Variants in BRAF observed in about 807,000 individuals in gnomAD.
BRAF encodes serine/threonine-protein kinase B-raf.
BRAF carries 16 observed loss-of-function variants against 104.6 expected under a neutral mutation model. The observed-to-expected ratio is 0.15, with a 90% CI of 0.10 to 0.23. The LOEUF is 0.23. Ranked by LOEUF, BRAF falls within the 10% of genes least tolerant of loss-of-function variation. The pLI, the probability that BRAF is intolerant of heterozygous loss-of-function variation, is 1.00. For synonymous variants in BRAF, 310 were observed against 341.6 expected (o/e 0.91, Z 1.02); for missense variants, 541 against 937.3 (o/e 0.58, Z 5.52).
chr7:140,717,716 CTAAATT>C (rs1446660573), downstream of BRAF, among the ~76,000 whole-genome samples: 1 of 152,026 alleles, frequency 6.6e-6, no homozygotes, highest in Non-Finnish European at 1.5e-5. Flanking sequence ...TAGTTCTGGG[CTAAATT>C]TTAAGGAAAA....
At chr7:140,714,034 C>CAGTT in the BRAF span, among the ~76,000 whole-genome samples, 1 of 152,166 alleles carries the variant, frequency 6.6e-6, no homozygotes, top group African/African-American at 2.4e-5. Flanking sequence ...GGGTGCCTCC[C>CAGTT]AGTTAGGCTA....
chr7:140,905,949 G>A (rs1034481349), intron 1 of BRAF, among the ~76,000 whole-genome samples: 12 of 148,986 alleles, frequency 8.1e-5, no homozygotes, highest in South Asian at 6.5e-4. Context: ...TTAGCCGGGC[G>A]TAGTGGCGGG....
Position 140,722,819 on chromosome 7 carries a change from T to C in BRAF, c.*3675A>G, listed in dbSNP as rs955172960. 4.8e-6 allele frequency: 5 copies of C among 1,052,458 alleles called. No homozygotes were observed. Among genetic ancestry groups the C allele is most frequent in the Non-Finnish European group, 5.7e-6 (5 of 871,178 alleles). 65.2% of individuals were successfully genotyped at this position (1,052,458 alleles called of 1,614,324 possible). ...GTGATACCACAGCTATTTAATTTCA[T>C]GCAATTGACTCAAGGTTAAGATTCT... On this transcript the variant is annotated 3_prime_UTR_variant, in exon 20 of 20. Coordinates refer to ENST00000644969, the MANE Select transcript of BRAF (RefSeq NM_001374258.1).
intron 8 of BRAF, among the ~76,000 whole-genome samples, chr7:140,790,137 A>C (rs529943949): frequency 6.6e-6 from 1 of 152,202 alleles, no homozygotes; most frequent in Non-Finnish European, 1.5e-5. Flanking sequence ...GTAGAAAAGC[A>C]AAGAGTCTTT....
intron 17 of BRAF, chr7:140,740,342 A>G (rs1293881286): frequency 6.1e-6 from 1 of 163,976 alleles, no homozygotes; most frequent in Non-Finnish European, 1.3e-5. Context: ...ATATATGTGT[A>G]GGGAAAACCA....
At chr7:140,734,805 AAG>A in intron 18 of BRAF, 35 bp from the exon 18 acceptor site, 2 of 1,461,106 alleles carry the variant, frequency 1.4e-6, no homozygotes, top group Non-Finnish European at 1.8e-6. Context: ...AAGAAAAAAA[AAG>A]AAAAAAGAAA....
chr7:140,839,310 A>C (rs1187247469), intron 2 of BRAF, among the ~76,000 whole-genome samples: 2 of 152,222 alleles, frequency 1.3e-5, no homozygotes, highest in African/African-American at 4.8e-5. Context: ...ATCTTTACAA[A>C]AATTAAAAAC....
At chr7:140,839,577 A>C (rs1277350773) in intron 2 of BRAF, among the ~76,000 whole-genome samples, 1 of 152,030 alleles carries the variant, frequency 6.6e-6, no homozygotes, top group Non-Finnish European at 1.5e-5. Flanking sequence ...AAAAAATATG[A>C]AACTTGGCTG....
intron 1 of BRAF, among the ~76,000 whole-genome samples, chr7:140,877,182 C>A (rs1171986532): frequency 1.3e-5 from 2 of 151,540 alleles, no homozygotes; most frequent in Admixed American, 1.3e-4. Flanking sequence ...CAATATTCAA[C>A]TGAATGAAAA....
chr7:140,779,075 GA>G (rs1176355050), intron 12 of BRAF, among the ~76,000 whole-genome samples: 2 of 152,164 alleles, frequency 1.3e-5, no homozygotes, highest in Non-Finnish European at 2.9e-5. Context: ...CAACAATATA[GA>G]TGAATCTTAT....
In BRAF at chr7:140,725,134, G is replaced by A. The variant is rs951159069; in HGVS notation, c.*1360C>T. 11 of 1,042,080 alleles carry A rather than the reference G, an allele frequency of 1.1e-5. No individual in the cohort carries two copies. Among genetic ancestry groups the A allele is most frequent in the Non-Finnish European group, 1.3e-5 (11 of 864,632 alleles). 64.6% of individuals were successfully genotyped at this position (1,042,080 alleles called of 1,614,324 possible). On this transcript the variant is annotated 3_prime_UTR_variant, in exon 20 of 20. Transcript: ENST00000644969. Reference sequence around the variant, plus strand: ...CCAGGCTTGGGAAAAAAGGAAGAAGGAGAATGAATGGAGACGCCACCATTT... The same window carrying A: ...CCAGGCTTGGGAAAAAAGGAAGAAGAAGAATGAATGGAGACGCCACCATTT...
downstream of BRAF, among the ~76,000 whole-genome samples, chr7:140,714,634 T>A (rs1471398988): frequency 6.6e-6 from 1 of 152,190 alleles, no homozygotes; most frequent in African/African-American, 2.4e-5. Context: ...GTGCTGAGAT[T>A]ACAGGTGTGA....
At chr7:140,876,393 A>T (rs2129098848) in intron 1 of BRAF, among the ~76,000 whole-genome samples, 1 of 152,342 alleles carries the variant, frequency 6.6e-6, no homozygotes, top group Admixed American at 6.5e-5. Flanking sequence ...AAAAGAATGC[A>T]GGAAAGACAG....
intron 1 of BRAF, among the ~76,000 whole-genome samples, chr7:140,922,656 C>T (rs1232021046): frequency 1.3e-5 from 2 of 152,162 alleles, no homozygotes; most frequent in Admixed American, 1.3e-4. Context: ...CCAGAGGCAC[C>T]TGTGCCTGGT....
At chr7:140,859,880 G>T (rs1359200816) in intron 1 of BRAF, among the ~76,000 whole-genome samples, 1 of 152,074 alleles carries the variant, frequency 6.6e-6, no homozygotes, top group Non-Finnish European at 1.5e-5. Flanking sequence ...GTAGAGACAG[G>T]ATTTCACCAT....
chr7:140,719,264 A>T, downstream of BRAF: 1 of 697,270 alleles, frequency 1.4e-6, no homozygotes. Context: ...TGTCTAGAAA[A>T]ACTGTTAAAA....
chr7:140,828,662 C>A (rs886419268), intron 3 of BRAF, among the ~76,000 whole-genome samples: 1 of 152,148 alleles, frequency 6.6e-6, no homozygotes, highest in Non-Finnish European at 1.5e-5. Context: ...ATGATTTATA[C>A]AACCATTTCT....
At chr7:140,807,660 A>T (rs1254104580) in intron 5 of BRAF, among the ~76,000 whole-genome samples, 2 of 152,202 alleles carry the variant, frequency 1.3e-5, no homozygotes, top group African/African-American at 2.4e-5. Context: ...CTGTTAATCT[A>T]AACAAATGTT....
chr7:140,898,789 T>C (rs551690981), intron 1 of BRAF, among the ~76,000 whole-genome samples: 2 of 152,236 alleles, frequency 1.3e-5, no homozygotes, highest in African/African-American at 2.4e-5. Flanking sequence ...TCTCTACTTA[T>C]AATTCTAGTA....
Sources: allele counts gnomAD v4.1 joint callset (sites outside exome capture counted in the v4.1 genomes callset), GRCh38; gene constraint gnomAD v4.1.1; transcripts MANE v1.5; gene names NCBI Gene and HGNC (gene_info 2026-07-23, HGNC 2026-07-21).